The following ADAM12 variants were observed in gnomAD, a reference collection of about 807,000 sequenced individuals.
The protein encoded by ADAM12 is disintegrin and metalloproteinase domain-containing protein 12.
Under a neutral mutation model 106.4 loss-of-function variants are expected in ADAM12, and 70 were observed. The ratio of observed to expected loss-of-function variants is 0.66; its 90% confidence interval spans 0.54 to 0.80. The LOEUF (loss-of-function observed/expected upper bound fraction) is 0.80. ADAM12 is among the 30% of genes least tolerant of loss of function. The probability of loss-of-function intolerance (pLI) is 0.00; values close to 1 mark genes in which losing one functional copy is unlikely to be tolerated. For missense variants in ADAM12, 1,010 were observed against 1,171.9 expected (o/e 0.86, Z 2.02); for synonymous variants, 420 against 433.5 (o/e 0.97, Z 0.39).
At chr10:126,227,980 C>T (rs898593343) in intron 3 of ADAM12, among the ~76,000 whole-genome samples, 1 of 152,010 alleles carries the variant, frequency 6.6e-6, no homozygotes, top group Non-Finnish European at 1.5e-5. Flanking sequence ...ACAGTGGGGA[C>T]CTTCCTGTGA....
At chr10:126,030,984 AGCTGT>A (rs1266522494) in intron 21 of ADAM12, among the ~76,000 whole-genome samples, 1 of 152,198 alleles carries the variant, frequency 6.6e-6, no homozygotes, top group East Asian at 1.9e-4. Flanking sequence ...GGCTGGACTT[AGCTGT>A]GCCTGGGATC....
In ADAM12 at chr10:126,013,595, C is replaced by G. The variant is rs1379609159; in HGVS notation, c.*3684G>C. 6.6e-6 allele frequency: 1 copy of G among 152,256 alleles called. No homozygotes were observed. The highest frequency in any genetic ancestry group is 1.5e-5 in the Non-Finnish European group (1 of 68,122). The allele number at this position is 152,256 out of a possible 1,614,324, so 9.4% of individuals were successfully genotyped here. ...TAGCCACACACTGCAGCAGTCACCA[C>G]TTTGGCTGATCTAAAGTAGCAATGG... On this transcript the variant is annotated 3_prime_UTR_variant, in exon 23 of 23. Coordinates refer to ENST00000448723, the MANE Select transcript of ADAM12 (RefSeq NM_001288973.2). This position sits in a 1 kb window ranked among gnomAD's most constrained non-coding sequence, Gnocchi z 4.3.
chr10:126,044,519 T>C (rs1463381106), intron 17 of ADAM12, among the ~76,000 whole-genome samples: 2 of 152,182 alleles, frequency 1.3e-5, no homozygotes, highest in African/African-American at 2.4e-5. Context: ...GGGTGGTTTA[T>C]ATCAGGAAGT....
chr10:126,097,825 G>A (rs185850657), intron 10 of ADAM12, among the ~76,000 whole-genome samples: 7 of 152,310 alleles, frequency 4.6e-5, no homozygotes, highest in Admixed American at 4.6e-4. Flanking sequence ...TTTTCCCACT[G>A]TATTTCCTTT....
At chr10:126,081,063 G>A (rs145041496) in intron 11 of ADAM12, among the ~76,000 whole-genome samples, 155 of 150,666 alleles carry the variant, frequency 1.0e-3, no homozygotes, top group Non-Finnish European at 1.7e-3. Flanking sequence ...GAAATTAGGC[G>A]TCTGGAGAAA....
chr10:126,278,806 C>G (rs1590723544), intron 3 of ADAM12, 109 bp downstream of exon 3: 5 of 727,988 alleles, frequency 6.9e-6, no homozygotes, highest in Middle Eastern at 7.8e-4. Context: ...GATTACAAAT[C>G]CATGCATTTC....
At chr10:126,246,579 C>T (rs1233089267) in intron 3 of ADAM12, among the ~76,000 whole-genome samples, 2 of 152,184 alleles carry the variant, frequency 1.3e-5, no homozygotes, top group Non-Finnish European at 2.9e-5. Flanking sequence ...GTTGGTTCAA[C>T]ATATGCAAAA....
At chr10:126,321,975 C>T (rs559177899) in intron 2 of ADAM12, among the ~76,000 whole-genome samples, 5 of 151,602 alleles carry the variant, frequency 3.3e-5, no homozygotes, top group East Asian at 1.9e-4. Flanking sequence ...GGGCATCCAG[C>T]GAGCTGATAT....
chr10:126,173,353 C>T (rs778344514), intron 3 of ADAM12, among the ~76,000 whole-genome samples: 7 of 152,162 alleles, frequency 4.6e-5, no homozygotes, highest in African/African-American at 9.7e-5. Context: ...ACAGCAAACG[C>T]GGCGAATCTT....
intron 6 of ADAM12, among the ~76,000 whole-genome samples, chr10:126,110,667 C>A (rs1004487517): frequency 3.9e-5 from 6 of 152,182 alleles, no homozygotes; most frequent in Non-Finnish European, 7.4e-5. Context: ...CCGTCCCCCA[C>A]AAAGGCAGCT....
chr10:126,304,943 T>G (rs559251906), intron 2 of ADAM12, among the ~76,000 whole-genome samples: 1 of 151,820 alleles, frequency 6.6e-6, no homozygotes, highest in Non-Finnish European at 1.5e-5. Context: ...ATATACCAAG[T>G]GTAAATTATA....
chr10:126,109,635 T>C (rs1047541803), intron 7 of ADAM12, 140 bp downstream of exon 7: 12 of 623,920 alleles, frequency 1.9e-5, no homozygotes, highest in Non-Finnish European at 3.2e-5. Flanking sequence ...CAGAAAACCA[T>C]TGTTTCAATG....
At chr10:126,297,281 G>A (rs891522194) in intron 2 of ADAM12, among the ~76,000 whole-genome samples, 3 of 152,110 alleles carry the variant, frequency 2.0e-5, no homozygotes, top group African/African-American at 4.8e-5. Context: ...AAACATAAGC[G>A]CCTGTAATCC....
chr10:126,269,961 T>C (rs1173033274), intron 3 of ADAM12, among the ~76,000 whole-genome samples: 2 of 152,192 alleles, frequency 1.3e-5, no homozygotes, highest in East Asian at 3.8e-4. Context: ...TCTGACCTTC[T>C]TCAACGTCTA....
intron 5 of ADAM12, among the ~76,000 whole-genome samples, chr10:126,128,524 A>G (rs1452788768): frequency 6.6e-6 from 1 of 152,246 alleles, no homozygotes; most frequent in East Asian, 1.9e-4. Flanking sequence ...GTGGGTACGC[A>G]TGTGAGTGTG....
Position 126,195,471 on chromosome 10 carries a change from A to T in ADAM12, c.261-40166T>A, listed in dbSNP as rs571816095. ...GTGCTTGTAATCCCAGCTACTCGGG[A>T]AGTTGAGACAGGAGAATCGCTTGAA... On this transcript the variant is annotated intron_variant, in intron 3 of 22. Transcript: ENST00000448723. Among the ~76,000 whole-genome samples the T allele has an allele frequency of 2.6e-5, 4 of 152,264 alleles. No homozygotes were observed. In the South Asian group the frequency reaches 6.2e-4, roughly 24 times the overall value.
At chr10:126,309,933 C>T (rs149331682) in intron 2 of ADAM12, among the ~76,000 whole-genome samples, 1 of 151,996 alleles carries the variant, frequency 6.6e-6, no homozygotes, top group Non-Finnish European at 1.5e-5. Flanking sequence ...CTGAGGTGGG[C>T]AGATCACTTG....
At position 126,300,557 on chromosome 10, in the gene ADAM12, C is replaced by T. The variant is rs115226163; in HGVS notation, c.187-21569G>A. Among the ~76,000 whole-genome samples, 1,185 of 152,198 alleles carry T rather than the reference C, an allele frequency of 7.8e-3. 16 individuals are homozygous for T. Among genetic ancestry groups the T allele is most frequent in the African/African-American group, 0.027 (1,121 of 41,510 alleles). On this transcript the variant is annotated intron_variant, in intron 2 of 22. Transcript: ENST00000448723. The stretch of plus-strand genomic sequence containing the variant: ...CAATCATGGGTGTATAGATAATTTA[C>T]GGCCAAGACACATTTTAAAAAGACG...
chr10:126,071,145 A>G (rs1954981105), intron 12 of ADAM12, among the ~76,000 whole-genome samples: 1 of 152,222 alleles, frequency 6.6e-6, no homozygotes, highest in African/African-American at 2.4e-5. Flanking sequence ...CTTATTAGCT[A>G]TTTGAAGCTA....
Sources: gnomAD v4.1 joint callset for allele counts (sites outside exome capture counted in the v4.1 genomes callset) on GRCh38, gnomAD v4.1.1 for gene constraint, Gnocchi (gnomAD v3.1) non-coding constraint, MANE v1.5 for transcripts, NCBI Gene and HGNC (gene_info 2026-07-23, HGNC 2026-07-21) for gene names.